Variants in FAM221A observed in about 807,000 individuals in gnomAD.
The protein encoded by FAM221A is family with sequence similarity 221 member A, also known as protein FAM221A.
A neutral mutation model predicts 37.6 loss-of-function variants in FAM221A; 43 were observed. That is an observed-to-expected ratio of 1.15 (90% CI 0.90 to 1.48). The LOEUF is 1.48. Among genes scored for constraint, FAM221A ranks in the 40% most tolerant of loss-of-function variants. The probability of loss-of-function intolerance (pLI) is 0.00; values close to 1 mark genes in which losing one functional copy is unlikely to be tolerated. For missense variants in FAM221A, 361 were observed against 361.5 expected (o/e 1.00, Z 0.01); for synonymous variants, 135 against 132.9 (o/e 1.02, Z -0.11).
At chr7:23,690,237 C>T (rs1204340873) in intron 3 of FAM221A, among the ~76,000 whole-genome samples, 3 of 131,688 alleles carry the variant, frequency 2.3e-5, no homozygotes, top group African/African-American at 5.7e-5. Context: ...TCTTGTCACC[C>T]AGGCTCTTGT....
chr7:23,688,599 A>C (rs1464204626), intron 2 of FAM221A: 4 of 151,888 alleles, frequency 2.6e-5, no homozygotes, highest in African/African-American at 9.7e-5. Context: ...TAAGTAATGC[A>C]CTGTGACAAA....
At chr7:23,700,258 C>G (rs531253782) in intron 5 of FAM221A, among the ~76,000 whole-genome samples, 1 of 152,286 alleles carries the variant, frequency 6.6e-6, no homozygotes, top group African/African-American at 2.4e-5. Context: ...TCTTGGCTAC[C>G]TGCCAAGAAA....
intron 1 of FAM221A, chr7:23,680,645 G>C (rs79480722): frequency 0.026 from 4,999 of 190,220 alleles, 220 homozygotes; most frequent in African/African-American, 0.1. Flanking sequence ...AATTAACCCA[G>C]TAATTGAGTC....
chr7:23,690,177 A>G (rs1435026870), intron 3 of FAM221A, among the ~76,000 whole-genome samples: 1 of 50,434 alleles, frequency 2.0e-5, no homozygotes, highest in Non-Finnish European at 4.2e-5. Context: ...GTTCATATAT[A>G]TATATATATA....
intron 4 of FAM221A, chr7:23,692,113 C>A: frequency 1.4e-6 from 1 of 711,504 alleles, no homozygotes; most frequent in Non-Finnish European, 1.7e-6. Context: ...ACACATATAT[C>A]TTCTTGCATA....
intron 1 of FAM221A, among the ~76,000 whole-genome samples, chr7:23,681,780 A>C (rs1313178613): frequency 6.6e-6 from 1 of 152,282 alleles, no homozygotes; most frequent in Middle Eastern, 3.4e-3. Context: ...TCCTTTACTG[A>C]CGTCAGAATT....
intron 1 of FAM221A, among the ~76,000 whole-genome samples, chr7:23,681,879 G>A (rs1784061560): frequency 6.6e-6 from 1 of 152,116 alleles, no homozygotes; most frequent in African/African-American, 2.4e-5. Context: ...CAAAATATGA[G>A]TTTAGAAGGA....
intron 4 of FAM221A, chr7:23,693,581 G>GCC (rs1784871874): frequency 2.8e-5 from 1 of 35,414 alleles, no homozygotes; most frequent in African/African-American, 1.2e-4. Context: ...GCTATCATTT[G>GCC]TCTCTTAATT....
intron 4 of FAM221A, among the ~76,000 whole-genome samples, chr7:23,695,620 G>C (rs886411527): frequency 6.6e-6 from 1 of 152,074 alleles, no homozygotes; most frequent in African/African-American, 2.4e-5. Context: ...TGATCTGCCC[G>C]CCTCGGCCTC....
In FAM221A at chr7:23,680,251, G is replaced by C. The variant is rs763458435; in HGVS notation, c.33G>C (p.Ala11=). The part of the protein sequence containing the change: MERLTLPLGG[A]AAVDEYLEYR... ...GGTTGACGTTGCCTCTCGGCGGCGC[G>C]GCGGCGGTGGACGAGTACCTGGAGT... Residue 11 remains alanine (A), a synonymous_variant, in exon 1 of 7, where the codon GCG becomes GCC. Transcript: ENST00000344962. The C allele has an allele frequency of 9.7e-6, 15 of 1,549,154 alleles. No individual in the cohort carries two copies. The South Asian group carries it at 1.7e-4, about 17-fold the overall frequency.
intron 5 of FAM221A, among the ~76,000 whole-genome samples, chr7:23,700,002 T>C (rs1785309278): frequency 6.6e-6 from 1 of 152,202 alleles, no homozygotes; most frequent in African/African-American, 2.4e-5. Flanking sequence ...AATGGGTGGA[T>C]AACACTTATT....
intron 5 of FAM221A, among the ~76,000 whole-genome samples, chr7:23,698,537 T>TCA (rs1785204355): frequency 6.6e-6 from 1 of 152,204 alleles, no homozygotes; most frequent in South Asian, 2.1e-4. Flanking sequence ...TACTATAATT[T>TCA]GAAGTTTTAA....
At chr7:23,689,241 A>G (rs766087084) in intron 2 of FAM221A, 28 bp from the exon 3 acceptor site, 1 of 1,458,636 alleles carries the variant, frequency 6.9e-7, no homozygotes, top group African/African-American at 1.4e-5. Context: ...TATTGTGTTT[A>G]TATTTCTCTC....
chr7:23,683,112 C>G (rs1345936563), intron 1 of FAM221A, among the ~76,000 whole-genome samples: 1 of 152,168 alleles, frequency 6.6e-6, no homozygotes, highest in South Asian at 2.1e-4. Context: ...ATGTATTGCA[C>G]AAAAAAGTAT....
At chr7:23,692,095 A>G (rs2128043866) in intron 4 of FAM221A, 22 of 450,258 alleles carry the variant, frequency 4.9e-5, no homozygotes, top group Non-Finnish European at 6.5e-5. Context: ...GTATATATGT[A>G]TGTGCACACA....
At chr7:23,690,186 TATATATATATA>T (rs1784637496) in intron 3 of FAM221A, among the ~76,000 whole-genome samples, 1 of 54,704 alleles carries the variant, frequency 1.8e-5, no homozygotes, top group Non-Finnish European at 4.0e-5. Flanking sequence ...TATATATATA[TATATATATATA>T]TATTTTTTTT....
chr7:23,683,501 G>C (rs1412797651), intron 1 of FAM221A, among the ~76,000 whole-genome samples: 3 of 152,206 alleles, frequency 2.0e-5, no homozygotes, highest in African/African-American at 2.4e-5. Flanking sequence ...CATTTTCAAA[G>C]GAGGTAAATG....
intron 5 of FAM221A, among the ~76,000 whole-genome samples, chr7:23,699,765 C>T (rs1213147050): frequency 2.6e-5 from 4 of 151,994 alleles, no homozygotes; most frequent in Non-Finnish European, 5.9e-5. Flanking sequence ...TGGTCTCGAA[C>T]TCTTGAGTTC....
chr7:23,680,337 C>G, intron 1 of FAM221A, 54 bp downstream of exon 1: 1 of 1,445,480 alleles, frequency 6.9e-7, no homozygotes, highest in Non-Finnish European at 9.3e-7. Context: ...GCCAGGATCC[C>G]TGGGCTGGGG....
Sources: gnomAD v4.1 joint callset for allele counts (sites outside exome capture counted in the v4.1 genomes callset) on GRCh38, gnomAD v4.1.1 for gene constraint, MANE v1.5 for transcripts, NCBI Gene and HGNC (gene_info 2026-07-23, HGNC 2026-07-21) for gene names.